CSTPP1: variants seen among roughly 807,000 people sequenced by gnomAD.
CSTPP1 encodes UPF0705 protein C11orf49.
the CSTPP1 span, among the ~76,000 whole-genome samples, chr11:46,971,191 A>G: frequency 6.6e-6 from 1 of 152,318 alleles, no homozygotes; most frequent in Non-Finnish European, 1.5e-5. Context: ...ACCCTCCTGT[A>G]TTGTTCTGTT....
chr11:47,063,561 A>G, the CSTPP1 span, among the ~76,000 whole-genome samples: 61 of 152,312 alleles, frequency 4.0e-4, 2 homozygotes, highest in South Asian at 0.012. Flanking sequence ...GATACATCAG[A>G]TAAGTGTGTA....
At chr11:46,994,900 T>G in the CSTPP1 span, among the ~76,000 whole-genome samples, 1 of 152,244 alleles carries the variant, frequency 6.6e-6, no homozygotes, top group Admixed American at 6.5e-5. Context: ...TGAATCCATC[T>G]GGTCCTGGAC....
the CSTPP1 span, among the ~76,000 whole-genome samples, chr11:47,142,869 C>T: frequency 2.0e-5 from 3 of 152,102 alleles, no homozygotes; most frequent in South Asian, 2.1e-4. Flanking sequence ...CCTCTATTTG[C>T]GGCTGGAAAC....
chr11:47,078,931 A>G, the CSTPP1 span, among the ~76,000 whole-genome samples: 7 of 152,186 alleles, frequency 4.6e-5, no homozygotes, highest in Admixed American at 2.6e-4. Flanking sequence ...AAAGCCAATC[A>G]ATATGGTTTC....
At chr11:46,974,857 AACAC>A in the CSTPP1 span, among the ~76,000 whole-genome samples, 4,523 of 144,120 alleles carry the variant, frequency 0.031, 84 homozygotes, top group African/African-American at 0.057. Flanking sequence ...TCTATCTCAA[AACAC>A]ACACACACAC....
At chr11:46,962,505 T>C in the CSTPP1 span, among the ~76,000 whole-genome samples, 2 of 152,176 alleles carry the variant, frequency 1.3e-5, no homozygotes, top group African/African-American at 2.4e-5. Context: ...ATTGTATTGA[T>C]ATTGTAGGTC....
the CSTPP1 span, among the ~76,000 whole-genome samples, chr11:46,991,144 T>C: frequency 6.6e-6 from 1 of 152,088 alleles, no homozygotes; most frequent in African/African-American, 2.4e-5. Flanking sequence ...GTAATCCTTA[T>C]AGGCTTCCAT....
At chr11:47,121,015 A>G in the CSTPP1 span, among the ~76,000 whole-genome samples, 16 of 152,242 alleles carry the variant, frequency 1.1e-4, no homozygotes, top group Admixed American at 1.0e-3. Flanking sequence ...ATACGTATAC[A>G]GTGGCCTTCC....
chr11:47,122,299 A>G, the CSTPP1 span, among the ~76,000 whole-genome samples: 1 of 151,762 alleles, frequency 6.6e-6, no homozygotes, highest in African/African-American at 2.4e-5. Flanking sequence ...AGATCCAAAA[A>G]CATAGAATTA....
the CSTPP1 span, chr11:47,159,931 G>C: frequency 3.1e-6 from 1 of 323,806 alleles, no homozygotes; most frequent in African/African-American, 2.2e-5. Context: ...TTGAACCAGG[G>C]AGGCGGAGGT....
the CSTPP1 span, among the ~76,000 whole-genome samples, chr11:46,990,983 T>A: frequency 6.6e-6 from 1 of 152,198 alleles, no homozygotes; most frequent in South Asian, 2.1e-4. Flanking sequence ...TCCATTGGTC[T>A]ATGTTTCTGT....
the CSTPP1 span, among the ~76,000 whole-genome samples, chr11:46,974,865 C>CAA: frequency 3.0e-4 from 3 of 10,030 alleles, no homozygotes; most frequent in African/African-American, 1.0e-3. Flanking sequence ...AAAACACACA[C>CAA]ACACACACAC....
At chr11:47,118,509 G>C in the CSTPP1 span, among the ~76,000 whole-genome samples, 163 of 152,250 alleles carry the variant, frequency 1.1e-3, 5 homozygotes, top group East Asian at 0.03. Flanking sequence ...GAGGAGCTGC[G>C]ATCCTTTGGA....
At chr11:47,153,494 T>C in the CSTPP1 span, among the ~76,000 whole-genome samples, 1 of 152,212 alleles carries the variant, frequency 6.6e-6, no homozygotes, top group African/African-American at 2.4e-5. Context: ...AAAGAGGCAG[T>C]GTGCTCTCAT....
At chr11:47,039,359 C>G in the CSTPP1 span, among the ~76,000 whole-genome samples, 1 of 127,570 alleles carries the variant, frequency 7.8e-6, no homozygotes, top group South Asian at 2.5e-4. Flanking sequence ...GAAAACCAGT[C>G]AGGCGTGGCG....
chr11:47,155,000 T>C, the CSTPP1 span: 2 of 630,762 alleles, frequency 3.2e-6, no homozygotes, highest in Non-Finnish European at 2.9e-6. Flanking sequence ...TGGGAGGAGC[T>C]TGCTTTTGGG....
the CSTPP1 span, among the ~76,000 whole-genome samples, chr11:47,012,957 C>T: frequency 6.7e-6 from 1 of 149,348 alleles, no homozygotes; most frequent in South Asian, 2.1e-4. Flanking sequence ...ATACTTGACC[C>T]TCCTGTGCCC....
chr11:47,157,257 AG>A, the CSTPP1 span: 1 of 1,525,158 alleles, frequency 6.6e-7, no homozygotes, highest in Non-Finnish European at 8.8e-7. Flanking sequence ...CCCCAGCCCC[AG>A]GGGGTCGGAC....
At chr11:47,082,796 T>A in the CSTPP1 span, among the ~76,000 whole-genome samples, 1 of 152,174 alleles carries the variant, frequency 6.6e-6, no homozygotes, top group South Asian at 2.1e-4. Flanking sequence ...ATTCTGGACA[T>A]TTCATATAGA....
Sources: allele counts gnomAD v4.1 joint callset (sites outside exome capture counted in the v4.1 genomes callset), GRCh38; gene constraint gnomAD v4.1.1; transcripts MANE v1.5; gene names NCBI Gene and HGNC (gene_info 2026-07-23, HGNC 2026-07-21).